The following FAT3 variants were observed in gnomAD, a reference collection of about 807,000 sequenced individuals.
FAT3 encodes the protein protocadherin Fat 3.
In FAT3, 95 loss-of-function variants were observed where a neutral mutation model predicts 310.2. The ratio of observed to expected loss-of-function variants is 0.31; its 90% CI spans 0.26 to 0.36. The LOEUF (loss-of-function observed/expected upper bound fraction) is 0.36. Ranked by LOEUF, FAT3 falls within the 10% of genes least tolerant of loss-of-function variation. FAT3 has a pLI of 1.00. For missense variants in FAT3, 5,408 were observed against 5,715.6 expected (o/e 0.95, Z 1.74); for synonymous variants, 2,314 against 2,192.9 (o/e 1.06, Z -1.54).
rs1418744230 is a variant in FAT3, at chr11:92,323,235, GTGTGTGTGTA to G, written c.-17-28849_-17-28840del. On this transcript the variant is annotated intron_variant, in intron 1 of 27. Coordinates refer to ENST00000525166, the MANE Select transcript of FAT3 (RefSeq NM_001367949.2). Reference sequence around the variant, plus strand: ...CATATACATACATATATATATGTGTGTGTGTGTGTATGTGTGTGTATATATATATTTGAAA... The same window carrying G: ...CATATACATACATATATATATGTGTGTGTGTGTGTATATATATATTTGAAA... Among the ~76,000 whole-genome samples, 9 of 151,976 alleles carry G rather than the reference GTGTGTGTGTA, an allele frequency of 5.9e-5. No individual in the cohort carries two copies. The East Asian group carries it at 1.6e-3, about 26-fold the overall frequency.
At chr11:92,826,526 G>A (rs1948110188) in intron 13 of FAT3, among the ~76,000 whole-genome samples, 1 of 152,146 alleles carries the variant, frequency 6.6e-6, no homozygotes, top group African/African-American at 2.4e-5. Flanking sequence ...GAGGGCAGTG[G>A]ATCCATGAAG....
At chr11:92,325,019 G>A (rs79966279) in intron 1 of FAT3, among the ~76,000 whole-genome samples, 2,650 of 152,224 alleles carry the variant, frequency 0.017, 87 homozygotes, top group African/African-American at 0.06. Flanking sequence ...TTTAAAACCC[G>A]TTTCAAACAT....
chr11:92,229,490 G>GTTTTTTTTTTTTTT lies in FAT3; in HGVS notation c.-18+4317_-18+4318insTTTTTTTTTTTTTT. Among the ~76,000 whole-genome samples, 29 of 46,838 alleles carry GTTTTTTTTTTTTTT rather than the reference G, an allele frequency of 6.2e-4. 5 individuals are homozygous for GTTTTTTTTTTTTTT. Among genetic ancestry groups the GTTTTTTTTTTTTTT allele is most frequent in the African/African-American group, 1.2e-3 (16 of 13,098 alleles). 30.7% of individuals were successfully genotyped at this position (46,838 alleles called of 152,430 possible). A position where few individuals can be genotyped will look rare whatever the true frequency, so the allele number is the denominator to read the frequency against. The stretch of plus-strand genomic sequence containing the variant: ...CCTTGTTTTCTTTTTTTGTTTTTTC[G>GTTTTTTTTTTTTTT]TGTTTTTTTTTTTTTTGTTTTTTGT... On this transcript the variant is annotated intron_variant, in intron 1 of 27. Transcript: ENST00000525166.
At chr11:92,539,177 A>G (rs1026056243) in intron 3 of FAT3, among the ~76,000 whole-genome samples, 1 of 152,216 alleles carries the variant, frequency 6.6e-6, no homozygotes, top group Non-Finnish European at 1.5e-5. Flanking sequence ...ATTCTTCTGA[A>G]GAAATGATAT....
At chr11:92,724,597 G>A (rs886265952) in intron 4 of FAT3, among the ~76,000 whole-genome samples, 1 of 152,184 alleles carries the variant, frequency 6.6e-6, no homozygotes, top group Non-Finnish European at 1.5e-5. Context: ...GTGCTATCCA[G>A]TTTATCCCTT....
chr11:92,831,978 G>T lies in FAT3; in HGVS notation c.9838G>T (p.Glu3280Ter). 1 of 1,557,350 alleles carries T rather than the reference G, an allele frequency of 6.4e-7. No individual in the cohort carries two copies. Among genetic ancestry groups the T allele is most frequent in the Non-Finnish European group, 8.7e-7 (1 of 1,150,666 alleles). ...EITYLIRSGN[E>*]QGKFKINPKT... ...CACTTATCTCATCCGGTCTGGGAACGAACAAGGGAAATTTAAGATCAACCC... is the reference window on the plus strand; with the variant it reads ...CACTTATCTCATCCGGTCTGGGAACTAACAAGGGAAATTTAAGATCAACCC... The change falls in exon 14 of 28, where the codon GAA becomes TAA. Residue 3280 changes from glutamate to a stop codon, truncating the protein, a stop_gained. Transcript: ENST00000525166. LOFTEE classifies it high-confidence loss of function.
chr11:92,825,149 C>T (rs558113321), intron 13 of FAT3, among the ~76,000 whole-genome samples: 1 of 152,304 alleles, frequency 6.6e-6, no homozygotes, highest in East Asian at 1.9e-4. Flanking sequence ...TCAGCACATG[C>T]ATTTGCAATG....
intron 19 of FAT3, among the ~76,000 whole-genome samples, chr11:92,852,274 G>C (rs1948852322): frequency 6.6e-6 from 1 of 152,184 alleles, no homozygotes; most frequent in Non-Finnish European, 1.5e-5. Context: ...TCCTTTTGAG[G>C]AATCTGTTTT....
intron 25 of FAT3, among the ~76,000 whole-genome samples, chr11:92,887,678 G>C (rs576843168): frequency 6.6e-6 from 1 of 152,234 alleles, no homozygotes; most frequent in East Asian, 1.9e-4. Context: ...ATTTCTCGTG[G>C]TTCACAGACT....
chr11:92,487,486 G>A (rs1411933055), intron 2 of FAT3, among the ~76,000 whole-genome samples: 1 of 152,148 alleles, frequency 6.6e-6, no homozygotes, highest in Non-Finnish European at 1.5e-5. Flanking sequence ...GTTAGCAGTA[G>A]CCTGTATTAT....
At position 92,427,850 on chromosome 11, in the gene FAT3, T is replaced by G. The variant is rs1283795208; in HGVS notation, c.3292+72446T>G. ...ATTTTCTTTTTTTGTTGTGTCTCTG[T>G]CAGGTTTTGGTATCAGGATGATCTT... On this transcript the variant is annotated intron_variant, in intron 2 of 27. Transcript: ENST00000525166. Among the ~76,000 whole-genome samples, 3 of 151,972 alleles carry G rather than the reference T, an allele frequency of 2.0e-5. No individual in the cohort carries two copies. The East Asian group carries it at 5.8e-4, about 29-fold the overall frequency.
intron 3 of FAT3, among the ~76,000 whole-genome samples, chr11:92,663,348 A>G (rs1259592257): frequency 6.6e-6 from 1 of 152,160 alleles, no homozygotes; most frequent in Non-Finnish European, 1.5e-5. Context: ...GAAGACCAAG[A>G]TGAGTTTGCA....
chr11:92,630,289 C>T (rs995865147), intron 3 of FAT3, among the ~76,000 whole-genome samples: 1 of 152,150 alleles, frequency 6.6e-6, no homozygotes, highest in African/African-American at 2.4e-5. Context: ...AATTCCTCAT[C>T]CTACTCTGTA....
intron 3 of FAT3, among the ~76,000 whole-genome samples, chr11:92,638,813 G>C (rs1217565087): frequency 6.6e-6 from 1 of 152,122 alleles, no homozygotes; most frequent in Admixed American, 6.6e-5. Flanking sequence ...CTTGTGAACT[G>C]TCAGTGTTTT....
At position 92,800,035 on chromosome 11, in the gene FAT3, G is replaced by A; in HGVS notation, c.7022G>A (p.Ser2341Asn). The change falls in exon 10 of 28, where the codon AGC becomes AAC. Residue 2341 changes from serine (S) to asparagine (N), a missense_variant. Transcript: ENST00000525166. ...YNSTDYFHID[S>N]SSGLILTARM... ...AGCACAGATTATTTTCACATAGATA[G>A]CTCAAGTGGCTTAATCCTGACAGCA... 1 of 1,613,940 alleles carries A rather than the reference G, an allele frequency of 6.2e-7. No individual in the cohort carries two copies. Among genetic ancestry groups the A allele is most frequent in the Non-Finnish European group, 8.5e-7 (1 of 1,179,874 alleles).
chr11:92,277,815 T>G (rs1946315003), intron 1 of FAT3, among the ~76,000 whole-genome samples: 1 of 151,972 alleles, frequency 6.6e-6, no homozygotes, highest in Non-Finnish European at 1.5e-5. Context: ...CATATACATT[T>G]GTAACAAACC....
intron 2 of FAT3, chr11:92,366,846 T>A (rs1949035126): frequency 3.7e-6 from 2 of 535,174 alleles, no homozygotes; most frequent in Non-Finnish European, 7.5e-6. Context: ...TCCTTACTGA[T>A]GTTGCTGTAG....
intron 3 of FAT3, among the ~76,000 whole-genome samples, chr11:92,568,990 A>G (rs779559202): frequency 1.2e-4 from 18 of 152,198 alleles, no homozygotes; most frequent in African/African-American, 1.4e-4. Context: ...AACGAAGGCA[A>G]TTTTACTTTG....
chr11:92,377,904 C>T (rs1186556498), intron 2 of FAT3, among the ~76,000 whole-genome samples: 1 of 152,190 alleles, frequency 6.6e-6, no homozygotes, highest in African/African-American at 2.4e-5. Flanking sequence ...AGCTTTACCT[C>T]CGAGTACATG....
Sources: allele counts gnomAD v4.1 joint callset (sites outside exome capture counted in the v4.1 genomes callset), GRCh38; gene constraint gnomAD v4.1.1; transcripts MANE v1.5; gene names NCBI Gene and HGNC (gene_info 2026-07-23, HGNC 2026-07-21).